Variants in RNASE9 observed in about 807,000 individuals in gnomAD.
RNASE9 encodes ribonuclease A family member 9 (inactive).
For synonymous variants in RNASE9, 95 were observed against 87.6 expected (o/e 1.08, Z -0.47); for missense variants, 263 against 247.1 (o/e 1.06, Z -0.43).
At chr14:20,559,794 T>C (rs1261358768) in intron 1 of RNASE9, among the ~76,000 whole-genome samples, 161 bp from the exon 2 acceptor site, 5 of 152,238 alleles carry the variant, frequency 3.3e-5, no homozygotes, top group African/African-American at 1.2e-4. Flanking sequence ...TCAGCAAATG[T>C]TCTTGGAAGA....
exon 3 of RNASE9, chr14:20,557,044 T>C: frequency 6.2e-7 from 1 of 1,610,812 alleles, no homozygotes; most frequent in Non-Finnish European, 8.5e-7. Flanking sequence ...GGGCAGTGGG[T>C]GTGTGGTGAT....
At chr14:20,558,112 A>T (rs1176606916) in exon 3 of RNASE9, 2 of 266,542 alleles carry the variant, frequency 7.5e-6, no homozygotes, top group Admixed American at 4.8e-5. Flanking sequence ...GTGCTTTGAC[A>T]AATTGGTCCA....
chr14:20,558,420 G>C (rs925668514), exon 3 of RNASE9: 2 of 728,996 alleles, frequency 2.7e-6, no homozygotes, highest in Admixed American at 4.0e-5. Flanking sequence ...GGAGTGCAGA[G>C]AATGGGAAAG....
exon 3 of RNASE9, chr14:20,557,454 G>C (rs1406279786): frequency 5.3e-6 from 1 of 187,894 alleles, no homozygotes; most frequent in Non-Finnish European, 1.1e-5. Context: ...GTGCAGAGAG[G>C]AGGCTCACAT....
chr14:20,559,857 G>T (rs1161400434), intron 1 of RNASE9, among the ~76,000 whole-genome samples: 1 of 152,166 alleles, frequency 6.6e-6, no homozygotes, highest in Admixed American at 6.5e-5. Flanking sequence ...ATGTTGCTAT[G>T]AACATGGGTG....
At chr14:20,558,457 A>T in exon 3 of RNASE9, 1 of 925,994 alleles carries the variant, frequency 1.1e-6, no homozygotes, top group South Asian at 1.4e-5. Flanking sequence ...TAAAATGGCG[A>T]TGTGAGAATG....
exon 3 of RNASE9, chr14:20,557,266 T>G (rs971412989): frequency 6.8e-6 from 4 of 587,258 alleles, no homozygotes; most frequent in Non-Finnish European, 1.2e-5. Flanking sequence ...TTACTAGGCC[T>G]ACAGTCAGTC....
At chr14:20,556,477 T>C (rs1282315661) in exon 3 of RNASE9, 2 of 1,612,292 alleles carry the variant, frequency 1.2e-6, no homozygotes, top group Non-Finnish European at 1.7e-6. Flanking sequence ...AAAGACACCA[T>C]CCTCACTGAG....
In RNASE9 at chr14:20,557,007, C is replaced by T. The variant is rs148263052; in HGVS notation, c.63G>A (p.Leu21=). 1,089 of 1,613,852 alleles carry T rather than the reference C, an allele frequency of 6.7e-4. 1 individual carries two copies. The highest frequency in any genetic ancestry group is 8.9e-4 in the Non-Finnish European group (1,055 of 1,179,914). ...CCACCTCTTGAAACTGCACCAGCTG[C>T]AGCAGCTGCTGCGGCAATAGAAGCA... Residue 21 remains leucine (L), a synonymous_variant, in exon 3 of 3, where the codon CTG becomes CTA. Coordinates refer to ENST00000555230, the Ensembl canonical transcript of RNASE9.
Position 20,556,922 on chromosome 14 carries a change from T to G in RNASE9, c.148A>C (p.Lys50Gln), listed in dbSNP as rs115680671. ...CTGGCGGGCCCTGTACTAAAAAATT[T>G]TTCCAAACACTCTTCAAATTCTTCT... The change falls in exon 3 of 3, where the codon AAA becomes CAA. Residue 50 changes from lysine (K) to glutamine (Q), a missense_variant. Physicochemically the swap from Lys to Gln is moderately conservative, Grantham distance 53. Coordinates refer to ENST00000555230, the Ensembl canonical transcript of RNASE9. 3.5e-3 allele frequency: 5,633 copies of G among 1,614,132 alleles called. 154 individuals are homozygous for G. The African/African-American group carries it at 0.065, about 19-fold the overall frequency.
exon 3 of RNASE9, chr14:20,556,901 C>T (rs777025881): frequency 3.1e-6 from 5 of 1,613,978 alleles, no homozygotes; most frequent in East Asian, 4.5e-5. Flanking sequence ...GGTGGTCTGG[C>T]GGGCCCTGTA....
chr14:20,558,332 G>T (rs758352702), exon 3 of RNASE9: 7 of 632,948 alleles, frequency 1.1e-5, no homozygotes, highest in African/African-American at 9.2e-5. Flanking sequence ...TGTGTAGAAA[G>T]GTTAGAGAAT....
In RNASE9 at chr14:20,558,605, C is replaced by T. The variant is rs745933493; in HGVS notation, c.-1536G>A. 45 of 1,550,094 alleles carry T rather than the reference C, an allele frequency of 2.9e-5. No homozygotes were observed. In the South Asian group the frequency reaches 4.9e-4, roughly 17 times the overall value. ...TCCCATGGTGACAGGTCAGAGAGCT[C>T]GGAACATACTCTCACAAGAACGCGG... is the stretch of plus-strand genomic sequence containing the variant. On this transcript the variant is annotated 5_prime_UTR_variant, in exon 3 of 3. Transcript: ENST00000555230.
At chr14:20,557,273 A>G (rs1196393213) in exon 3 of RNASE9, 2 of 507,358 alleles carry the variant, frequency 3.9e-6, no homozygotes, top group Non-Finnish European at 6.8e-6. Context: ...GCCTACAGTC[A>G]GTCTAGAGCT....
At chr14:20,559,195 C>G (rs1883846604) in intron 2 of RNASE9, among the ~76,000 whole-genome samples, 1 of 151,966 alleles carries the variant, frequency 6.6e-6, no homozygotes, top group Non-Finnish European at 1.5e-5. Flanking sequence ...TCAAGGAATC[C>G]TCCCACGGCC....
exon 3 of RNASE9, chr14:20,558,201 A>G (rs1337730070): frequency 2.5e-6 from 1 of 399,964 alleles, no homozygotes; most frequent in Non-Finnish European, 4.6e-6. Context: ...GTTGTAAAAG[A>G]AGTCCTACTT....
At chr14:20,560,889 C>T (rs1239312777) in exon 1 of RNASE9, 7 of 152,114 alleles carry the variant, frequency 4.6e-5, no homozygotes, top group Admixed American at 3.9e-4. Context: ...ATGCAAGAGG[C>T]ACTATGTTGA....
exon 3 of RNASE9, chr14:20,558,024 C>T (rs1011983438): frequency 2.2e-5 from 4 of 182,496 alleles, no homozygotes; most frequent in African/African-American, 9.4e-5. Context: ...TAAGGCTAGA[C>T]TGTATCTCTC....
chr14:20,556,309 T>A (rs941580161), exon 3 of RNASE9: 1 of 643,306 alleles, frequency 1.6e-6, no homozygotes, highest in East Asian at 2.7e-5. Context: ...CCTAAGGTGC[T>A]TTTGTGAGGT....
Sources: gnomAD v4.1 joint callset for allele counts (sites outside exome capture counted in the v4.1 genomes callset) on GRCh38, gnomAD v4.1.1 for gene constraint, MANE v1.5 for transcripts, NCBI Gene and HGNC (gene_info 2026-07-23, HGNC 2026-07-21) for gene names.